PAK1: variants seen among roughly 807,000 people sequenced by gnomAD.
The protein encoded by PAK1 is serine/threonine-protein kinase PAK 1.
PAK1 carries 29 observed loss-of-function variants against 67.4 expected under a neutral mutation model. The observed-to-expected ratio is 0.43, with a 90% CI of 0.32 to 0.59. The LOEUF (loss-of-function observed/expected upper bound fraction) is 0.59. Ranked by LOEUF, PAK1 falls within the 20% of genes least tolerant of loss-of-function variation. PAK1 has a pLI of 0.07. For missense variants in PAK1, 337 were observed against 670.7 expected, an observed-to-expected ratio of 0.50 and a Z score of 5.50; for synonymous variants, 223 against 237.4, an observed-to-expected ratio of 0.94 and a Z score of 0.56.
rs79849250 is a variant in PAK1 at position 77,358,822 on chromosome 11, G to C, written c.597+76C>G. 4.2e-3 allele frequency: 6,086 copies of C among 1,439,812 alleles called. 221 individuals carry two copies. In the African/African-American group the frequency reaches 0.076, roughly 18 times the overall value. 89.2% of individuals were successfully genotyped at this position (1,439,812 alleles called of 1,614,324 possible). A position where few individuals can be genotyped will look rare whatever the true frequency, so the allele number is the denominator to read the frequency against. On this transcript the variant is annotated intron_variant, in intron 6 of 14. Transcript: ENST00000356341. ...CGCCTACCAGAATATTAAACTTCTA[G>C]GTATCAGCACCAACTCCTCCCTCTC...
upstream of PAK1, among the ~76,000 whole-genome samples, chr11:77,479,052 T>G (rs1958090023): frequency 7.0e-6 from 1 of 143,104 alleles, no homozygotes; most frequent in Non-Finnish European, 1.5e-5. Flanking sequence ...GCCACTGCAC[T>G]CCAGCCTAGG....
intron 1 of PAK1, among the ~76,000 whole-genome samples, chr11:77,472,599 A>C (rs1178374519): frequency 6.6e-6 from 1 of 152,230 alleles, no homozygotes; most frequent in African/African-American, 2.4e-5. Context: ...GAAGTAGATG[A>C]AGCCACAGGG....
At chr11:77,493,561 G>T in the PAK1 span, among the ~76,000 whole-genome samples, 1 of 147,860 alleles carries the variant, frequency 6.8e-6, no homozygotes, top group Non-Finnish European at 1.5e-5. Context: ...CCAAACTGTT[G>T]GGATTACAGA....
intron 1 of PAK1, among the ~76,000 whole-genome samples, chr11:77,427,775 G>T (rs544152574): frequency 6.6e-6 from 1 of 152,310 alleles, no homozygotes; most frequent in East Asian, 1.9e-4. Context: ...AAAAAAAGGG[G>T]ACTGTTTATG....
chr11:77,369,967 A>C (rs150079262), intron 5 of PAK1, among the ~76,000 whole-genome samples: 1 of 152,298 alleles, frequency 6.6e-6, no homozygotes, highest in East Asian at 1.9e-4. Flanking sequence ...AAATGTCTGC[A>C]GATCCTTAGC....
chr11:77,462,239 G>A (rs1490139823), intron 1 of PAK1, among the ~76,000 whole-genome samples: 5 of 151,986 alleles, frequency 3.3e-5, no homozygotes, highest in Non-Finnish European at 7.4e-5. Flanking sequence ...GCTGAGGCAG[G>A]AGAATGGCGT....
chr11:77,380,526 G>T (rs978234314), intron 2 of PAK1, among the ~76,000 whole-genome samples: 1 of 151,920 alleles, frequency 6.6e-6, no homozygotes, highest in African/African-American at 2.4e-5. Context: ...AAAGGGAGAG[G>T]CAAAAAGATC....
chr11:77,446,486 T>C (rs1592505512), intron 1 of PAK1, among the ~76,000 whole-genome samples: 1 of 128,496 alleles, frequency 7.8e-6, no homozygotes, highest in Non-Finnish European at 1.5e-5. Flanking sequence ...CACTCCAGCC[T>C]GAGTGAAACA....
At chr11:77,430,249 G>A (rs191775969) in intron 1 of PAK1, among the ~76,000 whole-genome samples, 7 of 152,296 alleles carry the variant, frequency 4.6e-5, no homozygotes, top group Admixed American at 3.9e-4. Flanking sequence ...CTTCAAGTGA[G>A]TCAGGCTGAG....
chr11:77,383,275 G>T (rs1019031972), intron 2 of PAK1, among the ~76,000 whole-genome samples: 1 of 151,944 alleles, frequency 6.6e-6, no homozygotes, highest in Non-Finnish European at 1.5e-5. Context: ...AGAAGTAAAA[G>T]GAACGGGGAA....
the PAK1 span, among the ~76,000 whole-genome samples, chr11:77,498,741 A>T: frequency 9.0e-6 from 1 of 110,748 alleles, no homozygotes; most frequent in Non-Finnish European, 1.7e-5. Context: ...TTGCTCTGTC[A>T]CTAGGCTGGA....
At chr11:77,423,351 A>G (rs1277031318) in intron 1 of PAK1, among the ~76,000 whole-genome samples, 5 of 151,398 alleles carry the variant, frequency 3.3e-5, no homozygotes, top group African/African-American at 7.3e-5. Context: ...AAAAAACAGA[A>G]TAAGAATATA....
At chr11:77,341,272 C>T (rs1943558276) in intron 10 of PAK1, among the ~76,000 whole-genome samples, 3 of 151,914 alleles carry the variant, frequency 2.0e-5, no homozygotes, top group Admixed American at 2.0e-4. Context: ...CAGCAGATGC[C>T]AATATTTACT....
the PAK1 span, among the ~76,000 whole-genome samples, chr11:77,489,541 C>T: frequency 1.3e-5 from 2 of 152,286 alleles, no homozygotes; most frequent in East Asian, 3.9e-4. Flanking sequence ...CTCACTGCAA[C>T]CTCCCTGCCT....
the PAK1 span, among the ~76,000 whole-genome samples, chr11:77,486,587 G>A: frequency 6.6e-6 from 1 of 152,196 alleles, no homozygotes; most frequent in Non-Finnish European, 1.5e-5. Context: ...TCCATCCCCT[G>A]GCAGTGGCCA....
At chr11:77,529,450 T>C in the PAK1 span, among the ~76,000 whole-genome samples, 1 of 152,242 alleles carries the variant, frequency 6.6e-6, no homozygotes, top group Non-Finnish European at 1.5e-5. Flanking sequence ...TTAAACTTCA[T>C]GCCCAGGGCA....
rs573339447 is a variant in PAK1, at chr11:77,435,969, T to C, written c.-22+37583A>G. On this transcript the variant is annotated intron_variant, in intron 1 of 14. Coordinates refer to ENST00000356341, the MANE Select transcript of PAK1 (RefSeq NM_002576.5). ...AGACCCCAATGTTTATAATGAAGAG[T>C]AAGAAGGCGCTAGAGTATGTGTACA... Among the ~76,000 whole-genome samples the C allele has an allele frequency of 2.6e-5, 4 of 152,130 alleles. No homozygotes were observed. In the East Asian group the frequency reaches 5.8e-4, roughly 22 times the overall value.
intron 1 of PAK1, among the ~76,000 whole-genome samples, chr11:77,399,039 G>T (rs1321234444): frequency 6.6e-6 from 1 of 152,170 alleles, no homozygotes. Context: ...CATATGAAAG[G>T]TATGTACACC....
chr11:77,525,406 A>C, the PAK1 span, among the ~76,000 whole-genome samples: 4 of 152,120 alleles, frequency 2.6e-5, no homozygotes, highest in East Asian at 5.8e-4. Context: ...TTATTAACTT[A>C]ATTATTTTAG....
Sources: allele counts gnomAD v4.1 joint callset (sites outside exome capture counted in the v4.1 genomes callset), GRCh38; gene constraint gnomAD v4.1.1; transcripts MANE v1.5; gene names NCBI Gene and HGNC (gene_info 2026-07-23, HGNC 2026-07-21).